Variants in FREM1 observed in about 807,000 individuals in gnomAD.
The protein encoded by FREM1 is FRAS1-related extracellular matrix protein 1.
A neutral mutation model predicts 210.1 loss-of-function variants in FREM1; 220 were observed. The observed-to-expected ratio is 1.05, with a 90% CI of 0.94 to 1.17. The LOEUF is 1.17. FREM1 is among the 50% of genes most tolerant of loss of function. FREM1 has a pLI of 0.00. For synonymous variants in FREM1, 1,189 were observed against 980.2 expected (o/e 1.21, Z -3.98); for missense variants, 3,454 against 2,675.5 (o/e 1.29, Z -6.42).
chr9:14,869,699 C>T (rs1437655702), intron 1 of FREM1, among the ~76,000 whole-genome samples: 2 of 152,188 alleles, frequency 1.3e-5, no homozygotes, highest in African/African-American at 2.4e-5. Flanking sequence ...ATCAGTGCTA[C>T]TTGGATAAGA....
At chr9:14,894,158 A>G (rs1837314107) in intron 1 of FREM1, among the ~76,000 whole-genome samples, 1 of 152,262 alleles carries the variant, frequency 6.6e-6, no homozygotes, top group Non-Finnish European at 1.5e-5. Context: ...GCATTGTCAA[A>G]TATAAAACAA....
In FREM1 at chr9:14,801,727, C is replaced by G. The variant is rs61744094; in HGVS notation, c.3619G>C (p.Glu1207Gln). ...TGAGGGTTGGCTGGCTGCTTATTCTCAGAGAAGTCTTTGCTAAACCCCCTA... is the reference window on the plus strand; with the variant it reads ...TGAGGGTTGGCTGGCTGCTTATTCTGAGAGAAGTCTTTGCTAAACCCCCTA... ...IDRGFSKDFS[E>Q]NKQPANPHQK... is the part of the protein sequence containing the mutation. Residue 1207 changes from glutamate (E) to glutamine (Q), a missense_variant, in exon 20 of 37, where the codon GAG becomes CAG. Glu to Gln is a conservative substitution (Grantham distance 29). Coordinates refer to ENST00000380880, the MANE Select transcript of FREM1 (RefSeq NM_001379081.2). The G allele has an allele frequency of 1.7e-4, 280 of 1,613,834 alleles. No homozygotes were observed. Among genetic ancestry groups the G allele is most frequent in the Non-Finnish European group, 2.3e-4 (274 of 1,179,884 alleles).
chr9:14,825,622 A>G (rs548991100), intron 10 of FREM1, among the ~76,000 whole-genome samples: 2 of 149,144 alleles, frequency 1.3e-5, no homozygotes, highest in South Asian at 4.3e-4. Flanking sequence ...GGCACATAAA[A>G]CACAAAATAT....
At chr9:14,837,023 T>C (rs974696027) in intron 10 of FREM1, among the ~76,000 whole-genome samples, 1 of 152,228 alleles carries the variant, frequency 6.6e-6, no homozygotes, top group Non-Finnish European at 1.5e-5. Context: ...CAACCTTTGA[T>C]ATGCAAATGC....
chr9:14,778,123 C>A (rs528998300), intron 24 of FREM1, among the ~76,000 whole-genome samples: 10 of 152,248 alleles, frequency 6.6e-5, no homozygotes, highest in African/African-American at 2.4e-4. Flanking sequence ...CCCACAGCAG[C>A]ATTTTTTACA....
At chr9:14,784,253 T>G in intron 24 of FREM1, 117 bp downstream of exon 24, 1 of 896,960 alleles carries the variant, frequency 1.1e-6, no homozygotes. Flanking sequence ...TACAGCGTGA[T>G]GTTATAAGAT....
Position 14,789,094 on chromosome 9 carries a change from A to C in FREM1, c.4002T>G (p.Pro1334=). The change falls in exon 23 of 37, where the codon CCT becomes CCG. Residue 1334 remains proline (P), a synonymous_variant. Coordinates refer to ENST00000380880, the MANE Select transcript of FREM1 (RefSeq NM_001379081.2). ...GAGTGCATTTCATGCCAGGGGAGAG[A>C]GGAACCCAGTCCCTCCCTATCTGGA... ...LQLKIGRDWV[P]LSPGMKCTQE... The C allele has an allele frequency of 6.3e-7, 1 of 1,595,278 alleles. No homozygotes were observed. The highest frequency in any genetic ancestry group is 8.5e-7 in the Non-Finnish European group (1 of 1,170,088).
At chr9:14,768,690 A>G (rs1444308465) in intron 27 of FREM1, among the ~76,000 whole-genome samples, 2 of 152,164 alleles carry the variant, frequency 1.3e-5, no homozygotes, top group Non-Finnish European at 2.9e-5. Flanking sequence ...CTTTTTTCTG[A>G]CAATGACTAC....
At chr9:14,843,491 A>C (rs569215008) in intron 8 of FREM1, among the ~76,000 whole-genome samples, 1 of 84,638 alleles carries the variant, frequency 1.2e-5, no homozygotes, top group Admixed American at 1.3e-4. Context: ...CACCTCATAG[A>C]TAGATAGGTA....
chr9:14,748,616 A>C lies in FREM1; in HGVS notation c.5581T>G (p.Ser1861Ala), dbSNP rs1842851203. ...CATGTGCTGTGCTTGCTTTGGTTGG[A>C]GGAATATGAAGGATGGCATTGTCCT... The part of the protein sequence containing the change: ...KGGQCHPSYS[S>A]NQSKHSTWEK... Residue 1861 changes from serine to alanine, a missense_variant, in exon 31 of 37, where the codon TCC becomes GCC. Physicochemically the swap from Ser to Ala is moderately conservative, Grantham distance 99. Transcript: ENST00000380880. 6.2e-7 allele frequency: 1 copy of C among 1,613,064 alleles called. No homozygotes were observed. The highest frequency in any genetic ancestry group is 8.5e-7 in the Non-Finnish European group (1 of 1,179,424).
chr9:14,861,086 CACAT>C (rs1244115847), intron 3 of FREM1, among the ~76,000 whole-genome samples: 2 of 84,124 alleles, frequency 2.4e-5, no homozygotes, highest in Admixed American at 1.3e-4. Flanking sequence ...TACATATATA[CACAT>C]ATATATAAAC....
chr9:14,740,296 A>T, intron 35 of FREM1, 62 bp from the exon 36 acceptor site: 1 of 1,203,810 alleles, frequency 8.3e-7, no homozygotes, highest in Non-Finnish European at 1.2e-6. Flanking sequence ...CTGATACGAA[A>T]TGCATAACAG....
chr9:14,750,660 C>T (rs1450907750), intron 29 of FREM1, among the ~76,000 whole-genome samples: 1 of 152,148 alleles, frequency 6.6e-6, no homozygotes, highest in Non-Finnish European at 1.5e-5. Context: ...GCTGTTGATG[C>T]AGACAGAAGT....
rs7027934 is a variant in FREM1 at position 14,894,649 on chromosome 9, T to A, written c.-268+15265A>T. On this transcript the variant is annotated intron_variant, in intron 1 of 36. Coordinates refer to ENST00000380880, the MANE Select transcript of FREM1 (RefSeq NM_001379081.2). ...AAAACGGTGCTAATCCTTTGTTTTG[T>A]TTTTTTAGAACCAAGAAAACTTTTC... is the stretch of plus-strand genomic sequence containing the variant. 7.5e-3 allele frequency among the ~76,000 whole-genome samples: 1,147 copies of A among 152,282 alleles called. 14 individuals are homozygous for A. The highest frequency in any genetic ancestry group is 0.026 in the African/African-American group (1,084 of 41,556).
At chr9:14,822,682 G>A (rs1821598047) in intron 13 of FREM1, among the ~76,000 whole-genome samples, 1 of 152,154 alleles carries the variant, frequency 6.6e-6, no homozygotes, top group Non-Finnish European at 1.5e-5. Context: ...AAAGACCCAA[G>A]TCCTTTCAGG....
At chr9:14,777,592 T>A (rs1293946225) in intron 24 of FREM1, among the ~76,000 whole-genome samples, 2 of 152,226 alleles carry the variant, frequency 1.3e-5, no homozygotes, top group African/African-American at 4.8e-5. Flanking sequence ...AAACTATACA[T>A]AACATTTTTA....
rs145916284 is a variant in FREM1 at position 14,798,619 on chromosome 9, C to A, written c.3695-977G>T. 2.0e-4 allele frequency among the ~76,000 whole-genome samples: 31 copies of A among 152,152 alleles called. No individual in the cohort carries two copies. In the East Asian group the frequency reaches 6.0e-3, roughly 29 times the overall value. On this transcript the variant is annotated intron_variant, in intron 20 of 36. Transcript: ENST00000380880. ...AGTCATCTCTTTTAAAAAATTACAGCATAATAAGTCTATATGATGATTTTA... is the reference window on the plus strand; with the variant it reads ...AGTCATCTCTTTTAAAAAATTACAGAATAATAAGTCTATATGATGATTTTA...
At chr9:14,777,625 A>G (rs772845534) in intron 24 of FREM1, among the ~76,000 whole-genome samples, 69 of 145,236 alleles carry the variant, frequency 4.8e-4, no homozygotes, top group Non-Finnish European at 9.5e-4. Flanking sequence ...ATATACATAT[A>G]TAAATTGTAT....
intron 20 of FREM1, among the ~76,000 whole-genome samples, chr9:14,801,186 C>T (rs989295041): frequency 6.6e-6 from 1 of 152,034 alleles, no homozygotes; most frequent in Admixed American, 6.5e-5. Flanking sequence ...TTAGTAGAGA[C>T]AGGGTTTCAC....
Sources: gnomAD v4.1 joint callset for allele counts (sites outside exome capture counted in the v4.1 genomes callset) on GRCh38, gnomAD v4.1.1 for gene constraint, MANE v1.5 for transcripts, NCBI Gene and HGNC (gene_info 2026-07-23, HGNC 2026-07-21) for gene names.